Variants in GALNT10 observed in about 807,000 individuals in gnomAD.
The protein encoded by GALNT10 is GalNAc transferase 10.
GALNT10 carries 41 observed loss-of-function variants against 75.0 expected under a neutral mutation model. That is an observed-to-expected ratio of 0.55 (90% confidence interval 0.43 to 0.71). The LOEUF is 0.71. Among genes scored for constraint, GALNT10 ranks in the 30% least tolerant of loss-of-function variants. The pLI is 0.00. For missense variants in GALNT10, 727 were observed against 818.5 expected (o/e 0.89, Z 1.36); for synonymous variants, 302 against 313.0 (o/e 0.96, Z 0.37).
chr5:154,344,477 T>A (rs1755089314), intron 4 of GALNT10, among the ~76,000 whole-genome samples: 1 of 152,184 alleles, frequency 6.6e-6, no homozygotes, highest in South Asian at 2.1e-4. Flanking sequence ...CCCAAAGTGC[T>A]AGGATTACAG....
intron 7 of GALNT10, among the ~76,000 whole-genome samples, chr5:154,398,972 A>G (rs1756103462): frequency 6.6e-6 from 1 of 152,152 alleles, no homozygotes; most frequent in African/African-American, 2.4e-5. Context: ...AGTAGAAATG[A>G]CTAACATTCA....
At chr5:154,244,437 T>C (rs1245919393) in intron 1 of GALNT10, among the ~76,000 whole-genome samples, 2 of 152,050 alleles carry the variant, frequency 1.3e-5, no homozygotes, top group African/African-American at 4.8e-5. Flanking sequence ...AAAAGAATTA[T>C]TTCAACCTGC....
At chr5:154,290,389 G>A (rs1267669793) in intron 1 of GALNT10, among the ~76,000 whole-genome samples, 6 of 151,204 alleles carry the variant, frequency 4.0e-5, no homozygotes, top group African/African-American at 7.3e-5. Flanking sequence ...GATTACAGGC[G>A]TAAGCCACCA....
intron 1 of GALNT10, among the ~76,000 whole-genome samples, chr5:154,246,639 C>A (rs1265928900): frequency 6.6e-6 from 1 of 152,174 alleles, no homozygotes; most frequent in Non-Finnish European, 1.5e-5. Flanking sequence ...ATCCTTCGAC[C>A]ACTTTTTGAT....
chr5:154,197,796 A>T lies in GALNT10; in HGVS notation c.159+6771A>T, dbSNP rs554918887. ...TCCTTTACCTGTACATCTGTTAAATATTGTTGTAACCAGGTAGGAAAGAAG... is the reference window on the plus strand; with the variant it reads ...TCCTTTACCTGTACATCTGTTAAATTTTGTTGTAACCAGGTAGGAAAGAAG... On this transcript the variant is annotated intron_variant, in intron 1 of 11. Transcript: ENST00000297107. Among the ~76,000 whole-genome samples, 251 of 152,296 alleles carry T rather than the reference A, an allele frequency of 1.6e-3. 3 individuals carry two copies. Among genetic ancestry groups the T allele is most frequent in the Non-Finnish European group, 2.4e-3 (164 of 68,016 alleles).
Position 154,416,936 on chromosome 5 carries a change from C to T in GALNT10, c.1776C>T (p.Thr592=), listed in dbSNP as rs762950857. The change falls in exon 12 of 12, where the codon ACC becomes ACT. Residue 592 remains threonine, a synonymous_variant. Coordinates refer to ENST00000297107, the MANE Select transcript of GALNT10 (RefSeq NM_198321.4). The surrounding 1 kb of genome is among the most constrained non-coding windows in gnomAD (Gnocchi z 4.5). ...SLTQQWLFEH[T]NSTVLEKFNR... ...CCCAGCAGTGGCTGTTTGAACACAC[C>T]AACTCAACAGTCTTGGAAAAATTCA... is the stretch of plus-strand genomic sequence containing the variant. The T allele has an allele frequency of 3.1e-6, 5 of 1,614,150 alleles. No individual in the cohort carries two copies. In the Admixed American group the frequency reaches 6.7e-5, roughly 22 times the overall value.
At chr5:154,313,268 T>C (rs1754547939) in intron 3 of GALNT10, among the ~76,000 whole-genome samples, 2 of 148,924 alleles carry the variant, frequency 1.3e-5, no homozygotes. Flanking sequence ...TGAAATCACA[T>C]CACTGCACTC....
Position 154,277,316 on chromosome 5 carries a change from A to G in GALNT10, c.160-17500A>G, listed in dbSNP as rs1468355208. On this transcript the variant is annotated intron_variant, in intron 1 of 11. Transcript: ENST00000297107. ...CATACTAGGCTGGGTTTGTTCTCAT[A>G]GAGGAGGAAGAAGGATGAGAAATAA... is the stretch of plus-strand genomic sequence containing the variant. Among the ~76,000 whole-genome samples, 3 of 151,818 alleles carry G rather than the reference A, an allele frequency of 2.0e-5. No homozygotes were observed. In the East Asian group the frequency reaches 5.8e-4, roughly 30 times the overall value.
intron 1 of GALNT10, among the ~76,000 whole-genome samples, chr5:154,263,714 A>T (rs973357167): frequency 1.3e-5 from 2 of 152,154 alleles, no homozygotes; most frequent in African/African-American, 4.8e-5. Context: ...AGTAGAAAGG[A>T]TGAGCAATCT....
chr5:154,417,003 G>A lies in GALNT10; in HGVS notation c.*31G>A, dbSNP rs1403380737. On this transcript the variant is annotated 3_prime_UTR_variant, in exon 12 of 12. Coordinates refer to ENST00000297107, the MANE Select transcript of GALNT10 (RefSeq NM_198321.4). ...CATGTCCCCTTGGCAGGCCCCCCAGGGTCTGGCACTCACTGCAGACTTCCT... is the reference window on the plus strand; with the variant it reads ...CATGTCCCCTTGGCAGGCCCCCCAGAGTCTGGCACTCACTGCAGACTTCCT... The A allele has an allele frequency of 1.2e-6, 2 of 1,607,586 alleles. No homozygotes were observed. The highest frequency in any genetic ancestry group is 4.5e-5 in the East Asian group (2 of 44,840).
At chr5:154,252,959 C>A (rs1221414470) in intron 1 of GALNT10, among the ~76,000 whole-genome samples, 2 of 132,570 alleles carry the variant, frequency 1.5e-5, no homozygotes, top group African/African-American at 2.6e-5. Context: ...TTATTTGGGG[C>A]ATTAACTGTT....
chr5:154,359,496 G>A (rs1027749654), intron 4 of GALNT10, among the ~76,000 whole-genome samples: 14 of 146,342 alleles, frequency 9.6e-5, no homozygotes, highest in African/African-American at 3.6e-4. Context: ...CTGAGTCAGT[G>A]ACCTTCACCT....
intron 1 of GALNT10, among the ~76,000 whole-genome samples, chr5:154,262,430 G>A (rs1027445787): frequency 6.6e-6 from 1 of 152,104 alleles, no homozygotes; most frequent in African/African-American, 2.4e-5. Flanking sequence ...GGGCTGGTAG[G>A]TATTATTCTC....
At chr5:154,313,735 G>A in intron 3 of GALNT10, among the ~76,000 whole-genome samples, 1 of 152,204 alleles carries the variant, frequency 6.6e-6, no homozygotes, top group East Asian at 1.9e-4. Flanking sequence ...TCCCCGAGAG[G>A]AGGGTAGAGA....
chr5:154,229,073 C>A (rs114775865), intron 1 of GALNT10, among the ~76,000 whole-genome samples: 2,761 of 152,282 alleles, frequency 0.018, 63 homozygotes, highest in African/African-American at 0.062. Flanking sequence ...AGGAATGTTT[C>A]TTCTCTGGTA....
At chr5:154,245,841 G>T in intron 1 of GALNT10, among the ~76,000 whole-genome samples, 1 of 148,832 alleles carries the variant, frequency 6.7e-6, no homozygotes. Flanking sequence ...AAGTTTTAGG[G>T]TACATGTGCA....
intron 1 of GALNT10, among the ~76,000 whole-genome samples, chr5:154,191,981 C>G (rs149113988): frequency 6.4e-4 from 97 of 152,380 alleles, no homozygotes; most frequent in African/African-American, 2.1e-3. Flanking sequence ...TGTCACATCA[C>G]TCCCACCCTC....
At chr5:154,320,974 C>T (rs1002993933) in intron 3 of GALNT10, among the ~76,000 whole-genome samples, 2 of 152,188 alleles carry the variant, frequency 1.3e-5, no homozygotes, top group Non-Finnish European at 2.9e-5. Flanking sequence ...AGCAGAGGTA[C>T]AATTTGAAAC....
At chr5:154,305,417 T>C (rs1010950179) in intron 3 of GALNT10, among the ~76,000 whole-genome samples, 1 of 151,974 alleles carries the variant, frequency 6.6e-6, no homozygotes, top group Non-Finnish European at 1.5e-5. Context: ...AAGGTGGAGA[T>C]TGTCAGATTG....
Sources: allele counts gnomAD v4.1 joint callset (sites outside exome capture counted in the v4.1 genomes callset), GRCh38; gene constraint gnomAD v4.1.1; non-coding constraint Gnocchi (gnomAD v3.1); transcripts MANE v1.5; gene names NCBI Gene and HGNC (gene_info 2026-07-23, HGNC 2026-07-21).